The following TTC1 variants were observed in gnomAD, a reference collection of about 807,000 sequenced individuals.
TTC1 encodes the protein tetratricopeptide repeat protein 1.
TTC1 carries 31 observed loss-of-function variants against 37.6 expected under a neutral mutation model. The ratio of observed to expected loss-of-function variants is 0.82; its 90% CI spans 0.62 to 1.11. The LOEUF is 1.11. TTC1 is among the 50% of genes most tolerant of loss of function. TTC1 has a pLI of 0.00. For synonymous variants in TTC1, 127 were observed against 122.4 expected, an observed-to-expected ratio of 1.04 and a Z score of -0.25; for missense variants, 351 against 339.0, an observed-to-expected ratio of 1.04 and a Z score of -0.28.
intron 4 of TTC1, chr5:160,039,275 G>A (rs929951384): frequency 7.5e-5 from 11 of 146,818 alleles, no homozygotes; most frequent in African/African-American, 2.5e-4. Context: ...AAAAGAGTAG[G>A]TTCTCTTTTT....
At position 160,065,222 on chromosome 5, in the gene TTC1, T is replaced by G; in HGVS notation, c.*157T>G. 9.5e-7 allele frequency: 1 copy of G among 1,047,586 alleles called. No homozygotes were observed. Among genetic ancestry groups the G allele is most frequent in the Non-Finnish European group, 1.4e-6 (1 of 703,744 alleles). The allele number at this position is 1,047,586 out of a possible 1,614,324, so 64.9% of individuals were successfully genotyped here. ...GTGCTCCCTTGTCCCTCTTTTATGATCAGGGTGAAATGTACTTCCTGATGT... is the reference window on the plus strand; with the variant it reads ...GTGCTCCCTTGTCCCTCTTTTATGAGCAGGGTGAAATGTACTTCCTGATGT... On this transcript the variant is annotated 3_prime_UTR_variant, in exon 8 of 8. Coordinates refer to ENST00000231238, the MANE Select transcript of TTC1 (RefSeq NM_003314.3).
chr5:160,030,151 A>G (rs1028130854), intron 2 of TTC1, among the ~76,000 whole-genome samples: 6 of 152,230 alleles, frequency 3.9e-5, no homozygotes, highest in Non-Finnish European at 7.3e-5. Flanking sequence ...AAAGAACTGA[A>G]AGGTGGCCCC....
intron 2 of TTC1, among the ~76,000 whole-genome samples, chr5:160,026,914 AC>A (rs1356908069): frequency 2.0e-5 from 3 of 148,416 alleles, no homozygotes; most frequent in African/African-American, 5.0e-5. Context: ...CTATTTTAAT[AC>A]TTTGGATTTT....
At chr5:160,019,642 C>T (rs1373469115) in intron 2 of TTC1, among the ~76,000 whole-genome samples, 3 of 137,448 alleles carry the variant, frequency 2.2e-5, no homozygotes, top group African/African-American at 2.8e-5. Context: ...AGCTGGAGTG[C>T]AGCGGTGCGA....
intron 7 of TTC1, among the ~76,000 whole-genome samples, chr5:160,062,911 T>C (rs920551834): frequency 6.6e-6 from 1 of 152,162 alleles, no homozygotes; most frequent in African/African-American, 2.4e-5. Context: ...CTGCCCTGTC[T>C]TTCTCTTGCT....
At chr5:160,044,065 T>A (rs112997675) in intron 5 of TTC1, among the ~76,000 whole-genome samples, 3 of 152,278 alleles carry the variant, frequency 2.0e-5, no homozygotes, top group African/African-American at 7.2e-5. Flanking sequence ...ACATAATCAC[T>A]TTTTCTTGCG....
intron 2 of TTC1, among the ~76,000 whole-genome samples, chr5:160,031,971 A>G (rs1320562494): frequency 6.6e-6 from 1 of 152,240 alleles, no homozygotes; most frequent in Admixed American, 6.5e-5. Context: ...AGCCTGGGCA[A>G]CAGAAGGAGA....
chr5:160,047,493 C>G (rs1757282786), intron 5 of TTC1, among the ~76,000 whole-genome samples: 1 of 152,232 alleles, frequency 6.6e-6, no homozygotes, highest in South Asian at 2.1e-4. Flanking sequence ...CTTCTCTCAT[C>G]TGGACCACTG....
intron 7 of TTC1, among the ~76,000 whole-genome samples, chr5:160,053,536 C>T (rs1413625265): frequency 6.6e-6 from 1 of 152,062 alleles, no homozygotes; most frequent in African/African-American, 2.4e-5. Flanking sequence ...TGCACTCAAG[C>T]CTGGGTGACA....
At chr5:160,026,516 A>G (rs753750700) in intron 2 of TTC1, among the ~76,000 whole-genome samples, 1 of 152,122 alleles carries the variant, frequency 6.6e-6, no homozygotes, top group Non-Finnish European at 1.5e-5. Context: ...TAGTTGTTAT[A>G]TTTTCCCAAT....
Position 160,064,929 on chromosome 5 carries a change from C to T in TTC1, c.746-3C>T. 1.9e-6 allele frequency: 3 copies of T among 1,605,588 alleles called. No homozygotes were observed. The highest frequency in any genetic ancestry group is 1.1e-5 in the South Asian group (1 of 88,966). On this transcript the variant is annotated splice_region_variant and splice_polypyrimidine_tract_variant and intron_variant, in intron 7 of 7. Coordinates refer to ENST00000231238, the MANE Select transcript of TTC1 (RefSeq NM_003314.3). ...CATTTGAGTTTTTGCTTTTACATTACAGGTAAATTAAAAGATCTTGGGAAC... is the reference window on the plus strand; with the variant it reads ...CATTTGAGTTTTTGCTTTTACATTATAGGTAAATTAAAAGATCTTGGGAAC...
chr5:160,010,409 G>T (rs1467708291), intron 1 of TTC1, 91 bp from the exon 2 acceptor site: 2 of 702,808 alleles, frequency 2.8e-6, no homozygotes, highest in Non-Finnish European at 4.7e-6. Flanking sequence ...TGTGTTTTTT[G>T]GCTGTAATGC....
chr5:160,048,214 C>T (rs1433392413), intron 5 of TTC1, among the ~76,000 whole-genome samples: 1 of 134,450 alleles, frequency 7.4e-6, no homozygotes, highest in Non-Finnish European at 1.5e-5. Flanking sequence ...GTGATGCAAT[C>T]GCCACTCACT....
chr5:160,043,848 A>G (rs990092361), intron 5 of TTC1, among the ~76,000 whole-genome samples: 3 of 152,086 alleles, frequency 2.0e-5, no homozygotes, highest in African/African-American at 7.2e-5. Context: ...ACCCTTTCAG[A>G]TTCTACACAA....
Position 160,010,722 on chromosome 5 carries a change from A to G in TTC1, c.194A>G (p.Asp65Gly). ...CAGGGAGAAGAGGAGTGTTTTCATG[A>G]CTGCAGTGCCTCATTTGAGGAGGAG... ...EDQGEEECFH[D>G]CSASFEEEPG... The change falls in exon 2 of 8, where the codon GAC (aspartate) becomes GGC (glycine). Residue 65 changes from aspartate to glycine, a missense_variant. By Grantham distance (94) the Asp-to-Gly change is moderately conservative (BLOSUM62 -1). Coordinates refer to ENST00000231238, the MANE Select transcript of TTC1 (RefSeq NM_003314.3). 6.2e-7 allele frequency: 1 copy of G among 1,613,948 alleles called. No homozygotes were observed. The highest frequency in any genetic ancestry group is 8.5e-7 in the Non-Finnish European group (1 of 1,179,896).
intron 6 of TTC1, among the ~76,000 whole-genome samples, chr5:160,050,345 G>A (rs6872305): frequency 0.066 from 10,043 of 151,536 alleles, 388 homozygotes; most frequent in East Asian, 0.12. Flanking sequence ...TACTCGAGAG[G>A]CTGAGGCAGG....
At chr5:160,036,115 A>C (rs909311855) in intron 3 of TTC1, among the ~76,000 whole-genome samples, 11 of 152,136 alleles carry the variant, frequency 7.2e-5, no homozygotes, top group African/African-American at 2.6e-4. Flanking sequence ...TCCTGACCAT[A>C]ATTCTCTTTT....
At chr5:160,050,781 A>G (rs1310198543) in intron 6 of TTC1, among the ~76,000 whole-genome samples, 3 of 151,838 alleles carry the variant, frequency 2.0e-5, no homozygotes, top group Non-Finnish European at 4.4e-5. Context: ...ACATGCCAAC[A>G]CACCCAGCTA....
chr5:160,014,565 C>T (rs979969506), intron 2 of TTC1, among the ~76,000 whole-genome samples: 10 of 151,334 alleles, frequency 6.6e-5, no homozygotes, highest in African/African-American at 1.5e-4. Context: ...AAAATAATCA[C>T]GTGTGGCACA....
Sources: gnomAD v4.1 joint callset for allele counts (sites outside exome capture counted in the v4.1 genomes callset) on GRCh38, gnomAD v4.1.1 for gene constraint, MANE v1.5 for transcripts, NCBI Gene and HGNC (gene_info 2026-07-23, HGNC 2026-07-21) for gene names.